The following ANKRD11 variants were observed in gnomAD, a reference collection of about 807,000 sequenced individuals.
ANKRD11 encodes ankyrin repeat domain-containing protein 11.
A neutral mutation model predicts 195.7 loss-of-function variants in ANKRD11; 17 were observed. That is an observed-to-expected ratio of 0.09 (90% confidence interval 0.06 to 0.13). ANKRD11 has a LOEUF of 0.13. Ranked by LOEUF, ANKRD11 falls within the 10% of genes least tolerant of loss-of-function variation. ANKRD11 has a pLI of 1.00. For missense variants in ANKRD11, 3,735 were observed against 3,566.1 expected, an observed-to-expected ratio of 1.05 and a Z score of -1.21; for synonymous variants, 1,953 against 1,528.1, an observed-to-expected ratio of 1.28 and a Z score of -6.49.
At chr16:89,277,713 C>T (rs559487285) in intron 9 of ANKRD11, 19 of 152,398 alleles carry the variant, frequency 1.2e-4, no homozygotes, top group African/African-American at 3.8e-4. Flanking sequence ...TGCAGTGCCC[C>T]TCGTGCTCCC....
intron 2 of ANKRD11, among the ~76,000 whole-genome samples, chr16:89,385,630 G>A (rs1269250872): frequency 6.6e-6 from 1 of 152,218 alleles, no homozygotes; most frequent in Admixed American, 6.5e-5. Flanking sequence ...TCACGATGAT[G>A]CATTTCCACA....
At chr16:89,469,683 G>A (rs1311327383) in intron 1 of ANKRD11, among the ~76,000 whole-genome samples, 1 of 150,808 alleles carries the variant, frequency 6.6e-6, no homozygotes, top group Non-Finnish European at 1.5e-5. Flanking sequence ...CGGATCACGA[G>A]GTCAGGAGAT....
intron 2 of ANKRD11, among the ~76,000 whole-genome samples, chr16:89,345,514 C>G (rs1003239644): frequency 6.6e-6 from 1 of 152,232 alleles, no homozygotes. Context: ...CCAGTGGCCC[C>G]AGGCTCTCCA....
intron 1 of ANKRD11, among the ~76,000 whole-genome samples, chr16:89,434,507 C>G (rs7500842): frequency 6.6e-6 from 1 of 152,220 alleles, no homozygotes; most frequent in African/African-American, 2.4e-5. Flanking sequence ...TCCTGTGCCT[C>G]ACCCCTGCCC....
intron 4 of ANKRD11, among the ~76,000 whole-genome samples, chr16:89,303,657 C>A (rs1163138945): frequency 6.6e-6 from 1 of 152,230 alleles, no homozygotes; most frequent in Non-Finnish European, 1.5e-5. Flanking sequence ...CCAGCCCTCT[C>A]TGCTGGCCTT....
intron 2 of ANKRD11, among the ~76,000 whole-genome samples, chr16:89,352,777 C>T (rs78360664): frequency 5.3e-5 from 8 of 152,172 alleles, no homozygotes; most frequent in East Asian, 1.9e-4. Context: ...TTCTTGAGTG[C>T]GTTTCCTATG....
intron 2 of ANKRD11, among the ~76,000 whole-genome samples, chr16:89,378,851 G>C (rs2040528861): frequency 6.6e-6 from 1 of 152,198 alleles, no homozygotes; most frequent in Non-Finnish European, 1.5e-5. Flanking sequence ...CATGTTTTAA[G>C]GGGTTGATGG....
chr16:89,459,132 G>C (rs1441983557), intron 1 of ANKRD11: 1 of 191,802 alleles, frequency 5.2e-6, no homozygotes, highest in Non-Finnish European at 1.1e-5. Context: ...TTCTTGATGA[G>C]TTTCTAAGAA....
chr16:89,296,550 C>T (rs2035449153), intron 4 of ANKRD11, among the ~76,000 whole-genome samples: 1 of 152,202 alleles, frequency 6.6e-6, no homozygotes, highest in South Asian at 2.1e-4. Flanking sequence ...TTTTCATTTC[C>T]AGATATTCCA....
At position 89,283,268 on chromosome 16, in the gene ANKRD11, G is replaced by A. The variant is rs773172347; in HGVS notation, c.3274C>T (p.Pro1092Ser). ...QGKEKKEKAF[P>S]GIISEDFSEK... is the part of the protein sequence containing the mutation. ...GAGAAGTCTTCTGAGATGATCCCAG[G>A]GAAAGCCTTCTCCTTCTTCTCTTTC... Residue 1092 changes from proline to serine, a missense_variant, in exon 9 of 13, where the codon CCT (proline) becomes TCT (serine). Physicochemically the swap from Pro to Ser is moderately conservative, Grantham distance 74. Transcript: ENST00000301030. The surrounding 1 kb of genome is among the most constrained non-coding windows in gnomAD (Gnocchi z 4.3). 7.7e-5 allele frequency: 125 copies of A among 1,613,790 alleles called. 1 individual carries two copies. Among genetic ancestry groups the A allele is most frequent in the Admixed American group, 2.3e-4 (14 of 59,992 alleles).
At chr16:89,410,912 G>A (rs1257555951) in intron 2 of ANKRD11, among the ~76,000 whole-genome samples, 2 of 152,254 alleles carry the variant, frequency 1.3e-5, no homozygotes, top group Non-Finnish European at 2.9e-5. Flanking sequence ...TATGTACTGG[G>A]CCACAGAATA....
intron 3 of ANKRD11, 96 bp from the exon 4 acceptor site, chr16:89,305,440 A>C: frequency 1.3e-6 from 2 of 1,537,982 alleles, no homozygotes; most frequent in Non-Finnish European, 8.9e-7. Context: ...CGCATCTCTT[A>C]TTTGGGCAAT....
intron 1 of ANKRD11, among the ~76,000 whole-genome samples, chr16:89,452,687 A>G (rs553161424): frequency 6.7e-6 from 1 of 149,064 alleles, no homozygotes; most frequent in South Asian, 2.2e-4. Context: ...GGCAGGAGGC[A>G]GGAAAATCTC....
chr16:89,331,409 C>CA (rs1207038278), intron 2 of ANKRD11, among the ~76,000 whole-genome samples: 1 of 151,980 alleles, frequency 6.6e-6, no homozygotes, highest in Non-Finnish European at 1.5e-5. Context: ...GACAAACAGG[C>CA]AAAAATCCCA....
chr16:89,278,832 AG>A, intron 9 of ANKRD11: 1 of 701,960 alleles, frequency 1.4e-6, no homozygotes, highest in East Asian at 2.9e-5. Context: ...GGGGGAGGTC[AG>A]GAGACCGAGG....
In ANKRD11 at chr16:89,284,063, CATTCTCCAGAAACTG is replaced by C. The variant is rs2151759749; in HGVS notation, c.2464_2478del (p.Gln822_Asn826del). On this transcript the variant is annotated inframe_deletion, in exon 9 of 13. Coordinates refer to ENST00000301030, the MANE Select transcript of ANKRD11 (RefSeq NM_013275.6). ...TCAGAAAGGCTAAATTTGGTGTCTTCATTCTCCAGAAACTGATTTTTGTTACAATATTCGTCAAAA... is the reference window on the plus strand; with the variant it reads ...TCAGAAAGGCTAAATTTGGTGTCTTCATTTTTGTTACAATATTCGTCAAAA... 1.2e-6 allele frequency: 2 copies of C among 1,614,130 alleles called. No individual in the cohort carries two copies. Among genetic ancestry groups the C allele is most frequent in the East Asian group, 4.5e-5 (2 of 44,884 alleles).
At chr16:89,372,350 C>T (rs574420412) in intron 2 of ANKRD11, among the ~76,000 whole-genome samples, 1 of 152,104 alleles carries the variant, frequency 6.6e-6, no homozygotes, top group Non-Finnish European at 1.5e-5. Flanking sequence ...CAGGGCCTGC[C>T]GCCGGTGTGG....
At chr16:89,344,087 T>A (rs2038825566) in intron 2 of ANKRD11, among the ~76,000 whole-genome samples, 1 of 152,118 alleles carries the variant, frequency 6.6e-6, no homozygotes, top group African/African-American at 2.4e-5. Context: ...GGTGCAGGAC[T>A]TCCCGGGCCT....
intron 1 of ANKRD11, chr16:89,459,485 G>A (rs1330638238): frequency 2.0e-5 from 3 of 152,076 alleles, no homozygotes; most frequent in Non-Finnish European, 4.4e-5. Flanking sequence ...TTTGAGCCAC[G>A]ACACCCGGCC....
Sources: gnomAD v4.1 joint callset for allele counts (sites outside exome capture counted in the v4.1 genomes callset) on GRCh38, gnomAD v4.1.1 for gene constraint, Gnocchi (gnomAD v3.1) non-coding constraint, MANE v1.5 for transcripts, NCBI Gene and HGNC (gene_info 2026-07-23, HGNC 2026-07-21) for gene names.